AFF3: variants seen among roughly 807,000 people sequenced by gnomAD.
The protein encoded by AFF3 is AF4/FMR2 family member 3.
AFF3 carries 32 observed loss-of-function variants against 129.7 expected under a neutral mutation model. The ratio of observed to expected loss-of-function variants is 0.25; its 90% CI spans 0.19 to 0.33. The LOEUF is 0.33. Ranked by LOEUF, AFF3 falls within the 10% of genes least tolerant of loss-of-function variation. The probability of loss-of-function intolerance (pLI) is 1.00; values close to 1 mark genes in which losing one functional copy is unlikely to be tolerated. For synonymous variants in AFF3, 644 were observed against 635.4 expected (o/e 1.01, Z -0.20); for missense variants, 1,373 against 1,592.0 (o/e 0.86, Z 2.34).
rs142650969 is a variant in AFF3 at position 100,125,986 on chromosome 2, T to G, written c.-145+3238A>C. 7.9e-5 allele frequency among the ~76,000 whole-genome samples: 12 copies of G among 152,348 alleles called. No individual in the cohort carries two copies. The East Asian group carries it at 2.3e-3, about 29-fold the overall frequency. Reference sequence around the variant, plus strand: ...GGTGCCATGGCATTCTGTTCTTAACTGATCAGGAATGGCCTGGACCTTTGG... The same window carrying G: ...GGTGCCATGGCATTCTGTTCTTAACGGATCAGGAATGGCCTGGACCTTTGG... On this transcript the variant is annotated intron_variant, in intron 2 of 24. Transcript: ENST00000672756.
rs1054458685 is a variant in AFF3, at chr2:99,662,129, ACT to A, written c.1143+10407_1143+10408del. The stretch of plus-strand genomic sequence containing the variant: ...AACTTCAGCCTGGCAACAGAACAAG[ACT>A]CTGTCTCAAAAAAAAAAAAGGCAAT... On this transcript the variant is annotated intron_variant, in intron 12 of 24. Coordinates refer to ENST00000672756, the MANE Select transcript of AFF3 (RefSeq NM_001386135.1). 4.7e-5 allele frequency among the ~76,000 whole-genome samples: 7 copies of A among 150,088 alleles called. No individual in the cohort carries two copies. In the East Asian group the frequency reaches 1.4e-3, roughly 30 times the overall value.
intron 11 of AFF3, among the ~76,000 whole-genome samples, chr2:99,707,845 T>C (rs972097876): frequency 2.0e-5 from 3 of 152,198 alleles, no homozygotes; most frequent in Non-Finnish European, 4.4e-5. Flanking sequence ...TTCATTCTTA[T>C]TTTCTTTCTC....
At position 99,942,888 on chromosome 2, in the gene AFF3, T is replaced by C. The variant is rs562828682; in HGVS notation, c.873+63744A>G. ...CTTTATCTGTGCCTTAATCCCAATA[T>C]ATTTTCCTTCCCTGAAGAGCAATAT... On this transcript the variant is annotated intron_variant, in intron 7 of 24. Transcript: ENST00000672756. 2.4e-4 allele frequency among the ~76,000 whole-genome samples: 36 copies of C among 152,206 alleles called. No homozygotes were observed. In the South Asian group the frequency reaches 7.3e-3, roughly 31 times the overall value.
intron 11 of AFF3, among the ~76,000 whole-genome samples, chr2:99,684,948 T>TC (rs1674907828): frequency 6.6e-6 from 1 of 151,784 alleles, no homozygotes; most frequent in Admixed American, 6.6e-5. Context: ...TTTCTTTTTT[T>TC]TTTTTTTGGA....
intron 19 of AFF3, 74 bp from the exon 20 acceptor site, chr2:99,565,697 C>A: frequency 1.3e-6 from 2 of 1,525,116 alleles, no homozygotes; most frequent in Non-Finnish European, 8.9e-7. Context: ...GTAGTTTATA[C>A]ACCTTATTTG....
At chr2:99,946,426 A>G (rs898437376) in intron 7 of AFF3, among the ~76,000 whole-genome samples, 2 of 140,438 alleles carry the variant, frequency 1.4e-5, no homozygotes, top group Non-Finnish European at 1.5e-5. Context: ...GTGAGCCGCA[A>G]TCACACCACT....
chr2:99,741,022 T>C (rs1233297494), intron 10 of AFF3, among the ~76,000 whole-genome samples: 1 of 152,188 alleles, frequency 6.6e-6, no homozygotes, highest in East Asian at 1.9e-4. Context: ...CTACATATGG[T>C]TAGCCAGTTT....
At chr2:99,755,557 G>A (rs907912490) in intron 8 of AFF3, among the ~76,000 whole-genome samples, 54 of 152,206 alleles carry the variant, frequency 3.5e-4, no homozygotes, top group African/African-American at 1.2e-3. Context: ...GTGAGTCACC[G>A]CGCCCGGCCC....
chr2:100,064,143 G>T (rs904198148), intron 4 of AFF3, among the ~76,000 whole-genome samples: 1 of 151,350 alleles, frequency 6.6e-6, no homozygotes, highest in African/African-American at 2.4e-5. Context: ...ATTCAATCTA[G>T]GTGATTGTCA....
intron 7 of AFF3, among the ~76,000 whole-genome samples, chr2:99,940,265 G>T (rs1399620523): frequency 6.6e-6 from 1 of 152,142 alleles, no homozygotes; most frequent in East Asian, 1.9e-4. Flanking sequence ...TCTCTGAAAT[G>T]GATAGAATAT....
chr2:100,137,564 C>T (rs932329549), intron 1 of AFF3, among the ~76,000 whole-genome samples: 2 of 151,862 alleles, frequency 1.3e-5, no homozygotes, highest in African/African-American at 4.8e-5. Context: ...CACACAGACA[C>T]ACAGAGGCAT....
At chr2:99,611,763 T>C (rs1355195651) in intron 13 of AFF3, among the ~76,000 whole-genome samples, 6 of 152,044 alleles carry the variant, frequency 3.9e-5, no homozygotes, top group Non-Finnish European at 8.8e-5. Flanking sequence ...GGCGCGCGCC[T>C]GTAATCCCAG....
chr2:100,059,254 CAAAAA>C (rs59005550), intron 4 of AFF3, among the ~76,000 whole-genome samples: 5 of 31,018 alleles, frequency 1.6e-4, no homozygotes, highest in African/African-American at 6.1e-4. Flanking sequence ...ACTCTGTCTC[CAAAAA>C]AAAAAAAAAA....
chr2:99,627,606 T>C (rs758572456), intron 13 of AFF3, among the ~76,000 whole-genome samples: 3 of 152,208 alleles, frequency 2.0e-5, no homozygotes, highest in Non-Finnish European at 2.9e-5. Context: ...TTTTTGCTTT[T>C]ATTGCAATTG....
intron 8 of AFF3, among the ~76,000 whole-genome samples, chr2:99,757,103 C>A (rs1372205099): frequency 6.6e-6 from 1 of 152,204 alleles, no homozygotes; most frequent in African/African-American, 2.4e-5. Flanking sequence ...AACTTCTTTT[C>A]TCTCACTGTT....
chr2:99,673,101 C>T (rs937442948), intron 11 of AFF3, among the ~76,000 whole-genome samples: 1 of 151,214 alleles, frequency 6.6e-6, no homozygotes, highest in Non-Finnish European at 1.5e-5. Flanking sequence ...GGGCAGTTTG[C>T]ATTCCACAAT....
intron 7 of AFF3, among the ~76,000 whole-genome samples, chr2:99,880,336 T>A (rs531592369): frequency 1.4e-3 from 212 of 152,318 alleles, no homozygotes; most frequent in African/African-American, 4.9e-3. Context: ...GGGCTGGCTG[T>A]GGCATCTCCC....
intron 8 of AFF3, among the ~76,000 whole-genome samples, chr2:99,765,391 A>G (rs1293693208): frequency 6.6e-6 from 1 of 152,234 alleles, no homozygotes; most frequent in Non-Finnish European, 1.5e-5. Context: ...TGTGCATTCA[A>G]TAAAACCCCT....
chr2:100,018,018 G>C (rs1175240842), intron 4 of AFF3, among the ~76,000 whole-genome samples: 2 of 117,386 alleles, frequency 1.7e-5, no homozygotes, highest in Non-Finnish European at 3.7e-5. Flanking sequence ...TGATATGTGT[G>C]TGTGTGTGTG....
Sources: gnomAD v4.1 joint callset for allele counts (sites outside exome capture counted in the v4.1 genomes callset) on GRCh38, gnomAD v4.1.1 for gene constraint, MANE v1.5 for transcripts, NCBI Gene and HGNC (gene_info 2026-07-23, HGNC 2026-07-21) for gene names.